Variants in PDE1C observed in about 807,000 individuals in gnomAD.
The protein encoded by PDE1C is dual specificity calcium/calmodulin-dependent 3',5'-cyclic nucleotide phosphodiesterase 1C.
A neutral mutation model predicts 93.1 loss-of-function variants in PDE1C; 62 were observed. The observed-to-expected ratio is 0.67, with a 90% CI of 0.54 to 0.82. The LOEUF (loss-of-function observed/expected upper bound fraction) is 0.82. PDE1C is among the 40% of genes least tolerant of loss of function. PDE1C has a pLI of 0.00. For synonymous variants in PDE1C, 325 were observed against 310.1 expected, an observed-to-expected ratio of 1.05 and a Z score of -0.50; for missense variants, 742 against 884.6, an observed-to-expected ratio of 0.84 and a Z score of 2.04.
intron 16 of PDE1C, chr7:31,808,311 T>C (rs1217822914): frequency 2.7e-6 from 1 of 364,412 alleles, no homozygotes; most frequent in Non-Finnish European, 5.3e-6. Context: ...CTTAATATGA[T>C]GTCTGTGTAT....
intron 16 of PDE1C, chr7:31,787,510 T>C (rs549366169): frequency 2.6e-5 from 4 of 152,346 alleles, no homozygotes; most frequent in Non-Finnish European, 4.4e-5. Context: ...AACTTAAATA[T>C]AGAGCTATTT....
At chr7:31,879,888 C>T (rs374903052) in intron 3 of PDE1C, among the ~76,000 whole-genome samples, 15 of 152,092 alleles carry the variant, frequency 9.9e-5, no homozygotes, top group African/African-American at 3.6e-4. Flanking sequence ...AAAGTAGCTG[C>T]CAATGTAAAG....
At chr7:31,722,184 C>T in the PDE1C span, among the ~76,000 whole-genome samples, 1 of 152,200 alleles carries the variant, frequency 6.6e-6, no homozygotes, top group Non-Finnish European at 1.5e-5. Context: ...AGCTACCCAC[C>T]AGTTCTCTCC....
intron 1 of PDE1C, among the ~76,000 whole-genome samples, chr7:32,265,137 G>T (rs542365786): frequency 6.6e-6 from 1 of 152,330 alleles, no homozygotes; most frequent in Admixed American, 6.5e-5. Flanking sequence ...TAGCAAAAGG[G>T]AAGGGAATTT....
At chr7:31,665,824 T>A in the PDE1C span, among the ~76,000 whole-genome samples, 1 of 152,180 alleles carries the variant, frequency 6.6e-6, no homozygotes, top group Non-Finnish European at 1.5e-5. Flanking sequence ...TTGATGTATA[T>A]AGATAATATA....
the PDE1C span, among the ~76,000 whole-genome samples, chr7:31,691,309 GA>G: frequency 6.6e-6 from 1 of 152,276 alleles, no homozygotes; most frequent in South Asian, 2.1e-4. Flanking sequence ...TTATGAGCTT[GA>G]AACATTAGCA....
chr7:31,833,103 T>C (rs996396224), intron 11 of PDE1C, among the ~76,000 whole-genome samples: 3 of 152,212 alleles, frequency 2.0e-5, no homozygotes, highest in Non-Finnish European at 2.9e-5. Flanking sequence ...GTTTTCATGA[T>C]AGTGAATAAG....
In PDE1C at chr7:32,086,518, T is replaced by C. The variant is rs568805695; in HGVS notation, c.308+83267A>G. Among the ~76,000 whole-genome samples, 17 of 152,116 alleles carry C rather than the reference T, an allele frequency of 1.1e-4. No homozygotes were observed. The East Asian group carries it at 3.3e-3, about 29-fold the overall frequency. ...GGAAAAAACTACTTTAAACTTCATA[T>C]GGAACCAAAAAAGAGCCTGCATCGC... On this transcript the variant is annotated intron_variant, in intron 3 of 18. Coordinates refer to the PDE1C transcript ENST00000396193.
intron 2 of PDE1C, among the ~76,000 whole-genome samples, chr7:31,988,786 G>A (rs1783747775): frequency 1.3e-5 from 2 of 152,070 alleles, no homozygotes; most frequent in African/African-American, 4.8e-5. Flanking sequence ...CATGAGGTCA[G>A]GAGATTGAGA....
rs1156625491 is a variant in PDE1C at position 32,420,124 on chromosome 7, TACACACACACACACACACACACAC to T, written c.310+7674_310+7697del. ...ATATATATATATATATATATATATA[TACACACACACACACACACACACAC>T]ACACACACACATATATATGTGTATA... On this transcript the variant is annotated intron_variant, in intron 1 of 1. Transcript: ENST00000672256. 7.6e-4 allele frequency among the ~76,000 whole-genome samples: 10 copies of T among 13,082 alleles called. No individual in the cohort carries two copies. The South Asian group carries it at 0.013, about 16-fold the overall frequency. The allele number at this position is 13,082 out of a possible 152,430, so 8.6% of individuals were successfully genotyped here. A position where few individuals can be genotyped will look rare whatever the true frequency, so the allele number is the denominator to read the frequency against.
At chr7:31,982,236 A>G (rs1812486060) in intron 2 of PDE1C, among the ~76,000 whole-genome samples, 1 of 152,218 alleles carries the variant, frequency 6.6e-6, no homozygotes, top group African/African-American at 2.4e-5. Flanking sequence ...CAGTGTTGTC[A>G]CTGATGTTAC....
intron 7 of PDE1C, among the ~76,000 whole-genome samples, chr7:31,861,987 C>T (rs905554858): frequency 3.3e-5 from 5 of 152,160 alleles, no homozygotes; most frequent in Non-Finnish European, 7.3e-5. Flanking sequence ...TGTGCTGTTC[C>T]CACTAGGCTT....
the PDE1C span, among the ~76,000 whole-genome samples, chr7:31,733,078 AGG>A: frequency 6.6e-6 from 1 of 152,196 alleles, no homozygotes; most frequent in African/African-American, 2.4e-5. Flanking sequence ...TCCCTGGATC[AGG>A]GTTAAAGGTT....
chr7:32,376,799 C>T (rs1343645928), intron 1 of PDE1C, among the ~76,000 whole-genome samples: 3 of 152,094 alleles, frequency 2.0e-5, no homozygotes, highest in South Asian at 2.1e-4. Flanking sequence ...GCCATTCTCC[C>T]GCCTCAGCCT....
rs1343829482 is a variant in PDE1C, at chr7:32,167,647, A to C, written c.308+2138T>G. On this transcript the variant is annotated intron_variant, in intron 3 of 18. Coordinates refer to the PDE1C transcript ENST00000396193. Reference sequence around the variant, plus strand: ...ATAGTGAGGGACAAGAACCCCAAGAAAAGACTGGACCTCCTGATAATTTGG... The same window carrying C: ...ATAGTGAGGGACAAGAACCCCAAGACAAGACTGGACCTCCTGATAATTTGG... Among the ~76,000 whole-genome samples the C allele has an allele frequency of 5.9e-5, 9 of 152,290 alleles. No individual in the cohort carries two copies. The East Asian group carries it at 1.5e-3, about 26-fold the overall frequency.
the PDE1C span, among the ~76,000 whole-genome samples, chr7:31,636,119 C>G: frequency 1.3e-5 from 2 of 152,058 alleles, no homozygotes; most frequent in African/African-American, 4.8e-5. Context: ...AGAACTCACT[C>G]ACTGTCACAA....
rs538689176 is a variant in PDE1C, at chr7:32,139,714, T to C, written c.308+30071A>G. Among the ~76,000 whole-genome samples the C allele has an allele frequency of 1.6e-4, 25 of 152,298 alleles. 1 individual carries two copies. Among genetic ancestry groups the C allele is most frequent in the South Asian group, 1.0e-3 (5 of 4,826 alleles). On this transcript the variant is annotated intron_variant, in intron 3 of 18. Coordinates refer to the PDE1C transcript ENST00000396193. The stretch of plus-strand genomic sequence containing the variant: ...CATGATTTAGACACTAACTTTTTGA[T>C]GTAATTTTAGCCAATGAGACATGAA...
intron 2 of PDE1C, among the ~76,000 whole-genome samples, chr7:31,882,123 G>A (rs1054877437): frequency 1.3e-5 from 2 of 152,064 alleles, no homozygotes; most frequent in African/African-American, 4.8e-5. Context: ...AAGCAAGAGG[G>A]TCAACCATAA....
intron 10 of PDE1C, among the ~76,000 whole-genome samples, chr7:31,837,529 A>G (rs1021644206): frequency 2.0e-5 from 3 of 152,174 alleles, no homozygotes; most frequent in African/African-American, 7.2e-5. Context: ...TTCTGGAATG[A>G]CTGCATCCTT....
Sources: gnomAD v4.1 joint callset for allele counts (sites outside exome capture counted in the v4.1 genomes callset) on GRCh38, gnomAD v4.1.1 for gene constraint, MANE v1.5 for transcripts, NCBI Gene and HGNC (gene_info 2026-07-23, HGNC 2026-07-21) for gene names.